The following RASSF3 variants were observed in gnomAD, a reference collection of about 807,000 sequenced individuals.
The protein encoded by RASSF3 is Ras association domain family member 3, also known as ras association domain-containing protein 3.
A neutral mutation model predicts 19.9 loss-of-function variants in RASSF3; 19 were observed. That is an observed-to-expected ratio of 0.96 (90% CI 0.67 to 1.40). The LOEUF (loss-of-function observed/expected upper bound fraction) is 1.40. Ranked by LOEUF, RASSF3 falls within the 40% of genes most tolerant of loss-of-function variation. The probability of loss-of-function intolerance (pLI) is 0.00; values close to 1 mark genes in which losing one functional copy is unlikely to be tolerated. For synonymous variants in RASSF3, 110 were observed against 104.2 expected (o/e 1.06, Z -0.34); for missense variants, 306 against 289.8 (o/e 1.06, Z -0.41).
At chr12:64,636,541 A>C (rs1269671954) in intron 1 of RASSF3, among the ~76,000 whole-genome samples, 1 of 152,154 alleles carries the variant, frequency 6.6e-6, no homozygotes, top group East Asian at 1.9e-4. Flanking sequence ...CTCAGATCAC[A>C]AAGAAAATGT....
At chr12:64,652,543 T>A (rs1871998878) in intron 1 of RASSF3, among the ~76,000 whole-genome samples, 1 of 152,030 alleles carries the variant, frequency 6.6e-6, no homozygotes, top group Admixed American at 6.5e-5. Flanking sequence ...TTTATAGACA[T>A]TGTTTCCATC....
At chr12:64,542,982 G>C (rs887937423), downstream of RASSF3, among the ~76,000 whole-genome samples, 83 of 151,678 alleles carry the variant, frequency 5.5e-4, no homozygotes, top group African/African-American at 2.0e-3. Flanking sequence ...TAGAGTTCCG[G>C]GTGGGCGTGG....
intron 1 of RASSF3, among the ~76,000 whole-genome samples, chr12:64,621,622 C>T (rs1294772564): frequency 1.3e-5 from 2 of 152,180 alleles, no homozygotes; most frequent in Admixed American, 6.5e-5. Flanking sequence ...GGATTATGGG[C>T]ATGCGCCACT....
chr12:64,610,413 G>C (rs1870298019), upstream of RASSF3: 1 of 159,294 alleles, frequency 6.3e-6, no homozygotes, highest in African/African-American at 2.4e-5. Flanking sequence ...GCGGGGCCCA[G>C]GGAGGCGGGG....
chr12:64,650,408 CTTTTTTTTTT>C (rs67304103), intron 1 of RASSF3, among the ~76,000 whole-genome samples: 3 of 85,470 alleles, frequency 3.5e-5, no homozygotes, highest in Non-Finnish European at 6.3e-5. Flanking sequence ...TTTTTTTTTC[CTTTTTTTTTT>C]TTTTTTTTTT....
rs79029014 is a variant in RASSF3, at chr12:64,616,761, A to G, written c.111+6018A>G. Among the ~76,000 whole-genome samples the G allele has an allele frequency of 3.3e-3, 510 of 152,294 alleles. 2 individuals carry two copies. The highest frequency in any genetic ancestry group is 0.012 in the African/African-American group (494 of 41,566). On this transcript the variant is annotated intron_variant, in intron 1 of 4. Coordinates refer to ENST00000542104, the MANE Select transcript of RASSF3 (RefSeq NM_178169.4). ...GTTTTTATTCTCATGGCAAGCAGGC[A>G]TTACCTCTATTACAAGGCCCCGCTT...
At chr12:64,687,160 A>AT (rs1187689343) in intron 2 of RASSF3, among the ~76,000 whole-genome samples, 2 of 151,198 alleles carry the variant, frequency 1.3e-5, no homozygotes, top group Non-Finnish European at 3.0e-5. Flanking sequence ...CACCCAGCTA[A>AT]TTTTTTTTTA....
intron 2 of RASSF3, among the ~76,000 whole-genome samples, chr12:64,572,686 G>A (rs1051178494): frequency 7.2e-5 from 11 of 152,096 alleles, no homozygotes; most frequent in African/African-American, 2.4e-4. Context: ...ATAAATGTAC[G>A]AACGAAGCTT....
chr12:64,509,776 A>C (rs1868316792), intron 1 of RASSF3, among the ~76,000 whole-genome samples: 1 of 152,094 alleles, frequency 6.6e-6, no homozygotes, highest in Non-Finnish European at 1.5e-5. Flanking sequence ...TTACTTATAC[A>C]CAATATTATG....
rs138046352 is a variant in RASSF3, at chr12:64,572,987, G to A, written c.294+31282G>A. The stretch of plus-strand genomic sequence containing the variant: ...TGACCTCAAGTGATCCTCTTGCCTC[G>A]GCCTCCCAAAGCACTGGGATTATAA... On this transcript the variant is annotated intron_variant, in intron 2 of 5. Transcript: ENST00000637125. 5.9e-5 allele frequency among the ~76,000 whole-genome samples: 9 copies of A among 152,218 alleles called. No homozygotes were observed. The East Asian group carries it at 9.6e-4, about 16-fold the overall frequency.
At chr12:64,576,799 C>A (rs928667213) in intron 2 of RASSF3, among the ~76,000 whole-genome samples, 6 of 143,884 alleles carry the variant, frequency 4.2e-5, no homozygotes, top group Non-Finnish European at 7.4e-5. Flanking sequence ...TGTAGTGAGC[C>A]ATGACTGGGC....
intron 1 of RASSF3, among the ~76,000 whole-genome samples, chr12:64,648,381 A>G (rs1268359213): frequency 2.0e-5 from 3 of 152,060 alleles, no homozygotes; most frequent in African/African-American, 7.3e-5. Context: ...TGGGAGGTAT[A>G]TCTGGGCTGG....
At chr12:64,529,288 A>G (rs1474369829), upstream of RASSF3, among the ~76,000 whole-genome samples, 2 of 152,222 alleles carry the variant, frequency 1.3e-5, no homozygotes, top group African/African-American at 2.4e-5. Context: ...CATTAAGCTA[A>G]TTATTACTGT....
chr12:64,544,617 CAA>C (rs11311480), downstream of RASSF3, among the ~76,000 whole-genome samples: 24 of 142,048 alleles, frequency 1.7e-4, no homozygotes, highest in Non-Finnish European at 2.3e-4. Context: ...GACCCTGTCT[CAA>C]AAAAAAAAAA....
chr12:64,604,850 C>A (rs1870159538), intron 2 of RASSF3, among the ~76,000 whole-genome samples: 1 of 152,056 alleles, frequency 6.6e-6, no homozygotes, highest in Non-Finnish European at 1.5e-5. Flanking sequence ...TGGTCTCGAT[C>A]TCCTGACCTT....
chr12:64,552,983 G>A (rs975783086), intron 2 of RASSF3, among the ~76,000 whole-genome samples: 15 of 152,062 alleles, frequency 9.9e-5, no homozygotes, highest in African/African-American at 3.4e-4. Flanking sequence ...GGCCAAGGCG[G>A]GTGGATCACG....
chr12:64,571,655 G>A (rs571335775), intron 2 of RASSF3, among the ~76,000 whole-genome samples: 1 of 152,266 alleles, frequency 6.6e-6, no homozygotes, highest in African/African-American at 2.4e-5. Flanking sequence ...CTGATCTGGT[G>A]TTAACAGCAC....
At position 64,683,345 on chromosome 12, in the gene RASSF3, A is replaced by T. The variant is rs75456839; in HGVS notation, c.112-1442A>T. Among the ~76,000 whole-genome samples the T allele has an allele frequency of 4.0e-3, 608 of 152,308 alleles. 3 individuals carry two copies. Among genetic ancestry groups the T allele is most frequent in the Non-Finnish European group, 6.9e-3 (472 of 68,012 alleles). On this transcript the variant is annotated intron_variant, in intron 1 of 4. Transcript: ENST00000542104. ...GGTGACAAAATGCTGTCATTTGGTC[A>T]TTTGTGATCATGTCTGCTACTGCAT...
exon 1 of RASSF3, chr12:64,507,170 G>A (rs754998317): frequency 2.5e-6 from 1 of 398,520 alleles, no homozygotes; most frequent in Admixed American, 4.4e-5. Context: ...CATGCTCTCT[G>A]TAGCGAGTCA....
Sources: allele counts gnomAD v4.1 joint callset (sites outside exome capture counted in the v4.1 genomes callset), GRCh38; gene constraint gnomAD v4.1.1; transcripts MANE v1.5; gene names NCBI Gene and HGNC (gene_info 2026-07-23, HGNC 2026-07-21).